Variants in PIGP observed in about 807,000 individuals in gnomAD.
PIGP encodes phosphatidylinositol glycan anchor biosynthesis class P.
In PIGP, 12 loss-of-function variants were observed where a neutral mutation model predicts 16.9. The observed-to-expected ratio is 0.71, with a 90% CI of 0.46 to 1.15. PIGP has a LOEUF of 1.15. Ranked by LOEUF, PIGP falls within the 50% of genes most tolerant of loss-of-function variation. The pLI, the probability that PIGP is intolerant of heterozygous loss-of-function variation, is 0.00. For synonymous variants in PIGP, 57 were observed against 54.7 expected, an observed-to-expected ratio of 1.04 and a Z score of -0.18; for missense variants, 159 against 153.5, an observed-to-expected ratio of 1.04 and a Z score of -0.19.
intron 3 of PIGP, 31 bp downstream of exon 3, chr21:37,069,521 T>C (rs766194889): frequency 1.5e-6 from 2 of 1,300,358 alleles, no homozygotes; most frequent in South Asian, 2.7e-5. Flanking sequence ...GCATTAATTA[T>C]ATCCTCATTT....
At chr21:37,068,863 T>C (rs926694660) in intron 3 of PIGP, among the ~76,000 whole-genome samples, 1 of 152,202 alleles carries the variant, frequency 6.6e-6, no homozygotes, top group Non-Finnish European at 1.5e-5. Flanking sequence ...AATCTTCTCA[T>C]TAAGCCATGT....
intron 2 of PIGP, among the ~76,000 whole-genome samples, chr21:37,070,478 T>C (rs1210960715): frequency 1.3e-5 from 2 of 152,222 alleles, no homozygotes; most frequent in African/African-American, 4.8e-5. Context: ...TTGTTACAAG[T>C]GCTCACGAAT....
intron 4 of PIGP, among the ~76,000 whole-genome samples, chr21:37,065,991 G>A (rs1409007517): frequency 3.3e-5 from 5 of 152,136 alleles, no homozygotes; most frequent in African/African-American, 1.2e-4. Context: ...GCTGAGGCAG[G>A]AGAACAGCGT....
intron 2 of PIGP, among the ~76,000 whole-genome samples, chr21:37,070,967 G>A (rs2069994909): frequency 1.3e-5 from 2 of 152,172 alleles, no homozygotes; most frequent in Non-Finnish European, 2.9e-5. Context: ...TTCCATGTTG[G>A]TCTGGCTGGT....
intron 2 of PIGP, chr21:37,072,166 C>A (rs1363280994): frequency 1.5e-6 from 2 of 1,343,820 alleles, no homozygotes; most frequent in African/African-American, 1.4e-5. Flanking sequence ...CTCCACAAGA[C>A]CACGACCTCC....
intron 3 of PIGP, among the ~76,000 whole-genome samples, chr21:37,068,933 T>C (rs1352923975): frequency 6.6e-6 from 1 of 152,220 alleles, no homozygotes; most frequent in Non-Finnish European, 1.5e-5. Flanking sequence ...TCAGACTTAG[T>C]GGCCCCCATG....
chr21:37,072,587 T>C lies in PIGP; in HGVS notation c.-22-50A>G, dbSNP rs147379960. On this transcript the variant is annotated intron_variant, in intron 1 of 4. Coordinates refer to ENST00000360525, the MANE Select transcript of PIGP (RefSeq NM_153682.3). Reference sequence around the variant, plus strand: ...GTCAGCGATGTGCTCCGTGGCACCATTGATCCATTCTCGCCTCCTCGCTCC... The same window carrying C: ...GTCAGCGATGTGCTCCGTGGCACCACTGATCCATTCTCGCCTCCTCGCTCC... The C allele has an allele frequency of 1.6e-4, 260 of 1,613,836 alleles. No individual in the cohort carries two copies. The highest frequency in any genetic ancestry group is 1.9e-4 in the Non-Finnish European group (229 of 1,179,850).
At chr21:37,070,042 T>C (rs368066278) in intron 2 of PIGP, among the ~76,000 whole-genome samples, 2 of 152,344 alleles carry the variant, frequency 1.3e-5, no homozygotes, top group East Asian at 1.9e-4. Flanking sequence ...ACTGAGCTTC[T>C]GCCCTATCTC....
Position 37,069,555 on chromosome 21 carries a change from TGAG to T in PIGP, c.149_151del (p.Pro50del). On this transcript the variant is annotated inframe_deletion, in exon 3 of 5. Transcript: ENST00000360525. ...TTAAGAAATATATTAAACTTACTTT[TGAG>T]GCCAATAGGTTAAACCTAAAGAGTT... The T allele has an allele frequency of 6.5e-7, 1 of 1,543,350 alleles. No individual in the cohort carries two copies. Among genetic ancestry groups the T allele is most frequent in the Non-Finnish European group, 8.8e-7 (1 of 1,135,922 alleles).
chr21:37,066,190 A>G (rs2069900700), intron 4 of PIGP, among the ~76,000 whole-genome samples: 1 of 152,230 alleles, frequency 6.6e-6, no homozygotes, highest in African/African-American at 2.4e-5. Context: ...CAATATTTTA[A>G]TCAACCATAC....
At chr21:37,065,828 T>A in intron 4 of PIGP, 116 bp from the exon 5 acceptor site, 1 of 776,720 alleles carries the variant, frequency 1.3e-6, no homozygotes, top group Non-Finnish European at 2.1e-6. Flanking sequence ...GTGACAAACA[T>A]CATGTTTAAC....
chr21:37,069,469 A>C, intron 3 of PIGP, 83 bp downstream of exon 3: 1 of 767,054 alleles, frequency 1.3e-6, no homozygotes, highest in East Asian at 2.8e-5. Context: ...CAAATATTTA[A>C]GATTTGGGTA....
At chr21:37,070,575 GT>G (rs2069987559) in intron 2 of PIGP, among the ~76,000 whole-genome samples, 1 of 152,086 alleles carries the variant, frequency 6.6e-6, no homozygotes, top group Admixed American at 6.5e-5. Context: ...TCTCCCCATA[GT>G]ACGTTATCAC....
chr21:37,067,409 T>C, intron 3 of PIGP, 29 bp from the exon 4 acceptor site: 3 of 1,217,288 alleles, frequency 2.5e-6, no homozygotes, highest in Middle Eastern at 1.9e-4. Flanking sequence ...AAGTACATAA[T>C]AGACACTTTA....
intron 2 of PIGP, among the ~76,000 whole-genome samples, chr21:37,070,988 C>T (rs755845049): frequency 6.6e-6 from 1 of 152,194 alleles, no homozygotes; most frequent in Non-Finnish European, 1.5e-5. Context: ...CTCAAACTCC[C>T]GACCTCAGAT....
At chr21:37,070,611 T>G (rs148882374) in intron 2 of PIGP, among the ~76,000 whole-genome samples, 67 of 152,340 alleles carry the variant, frequency 4.4e-4, no homozygotes, top group African/African-American at 1.5e-3. Flanking sequence ...GTTTTTCTTA[T>G]TTAACTTGCC....
At chr21:37,068,626 A>C (rs1049467456) in intron 3 of PIGP, among the ~76,000 whole-genome samples, 3 of 152,152 alleles carry the variant, frequency 2.0e-5, no homozygotes, top group Non-Finnish European at 4.4e-5. Context: ...ATGAAGTGCT[A>C]ACAAGTGAGT....
intron 2 of PIGP, among the ~76,000 whole-genome samples, chr21:37,071,381 A>G (rs1251449646): frequency 6.6e-6 from 1 of 152,224 alleles, no homozygotes; most frequent in African/African-American, 2.4e-5. Context: ...GACAGTAATA[A>G]CAGAACCTAC....
intron 2 of PIGP, among the ~76,000 whole-genome samples, chr21:37,070,127 C>G (rs573221878): frequency 2.0e-5 from 3 of 152,272 alleles, no homozygotes; most frequent in African/African-American, 7.2e-5. Context: ...ACAACAATGG[C>G]TAAGTTCTGA....
Sources: gnomAD v4.1 joint callset for allele counts (sites outside exome capture counted in the v4.1 genomes callset) on GRCh38, gnomAD v4.1.1 for gene constraint, MANE v1.5 for transcripts, NCBI Gene and HGNC (gene_info 2026-07-23, HGNC 2026-07-21) for gene names.